Variants in FAT4 observed in about 807,000 individuals in gnomAD.
The protein encoded by FAT4 is protocadherin Fat 4.
Under a neutral mutation model 303.9 loss-of-function variants are expected in FAT4, and 84 were observed. The ratio of observed to expected loss-of-function variants is 0.28; its 90% CI spans 0.23 to 0.33. FAT4 has a LOEUF of 0.33. Among genes scored for constraint, FAT4 ranks in the 10% least tolerant of loss-of-function variants. FAT4 has a pLI of 1.00. For missense variants in FAT4, 6,005 were observed against 6,146.8 expected (o/e 0.98, Z 0.77); for synonymous variants, 2,307 against 2,298.8 (o/e 1.00, Z -0.10).
intron 8 of FAT4, among the ~76,000 whole-genome samples, chr4:125,445,434 A>G (rs543316734): frequency 3.3e-5 from 5 of 152,258 alleles, no homozygotes; most frequent in African/African-American, 1.2e-4. Context: ...CAACAAGGGT[A>G]TCTATTTGTT....
At chr4:125,361,711 AGAG>A (rs1322347369) in intron 2 of FAT4, among the ~76,000 whole-genome samples, 1 of 152,126 alleles carries the variant, frequency 6.6e-6, no homozygotes, top group Non-Finnish European at 1.5e-5. Flanking sequence ...AAAATAGAAT[AGAG>A]GAGATGTGGG....
intron 12 of FAT4, 80 bp downstream of exon 12, chr4:125,468,899 A>G (rs1726766237): frequency 7.1e-7 from 1 of 1,403,268 alleles, no homozygotes; most frequent in Non-Finnish European, 9.7e-7. Flanking sequence ...AAATCATGTT[A>G]AATTAGGTTT....
intron 10 of FAT4, among the ~76,000 whole-genome samples, chr4:125,458,858 A>G (rs1347508575): frequency 1.3e-5 from 2 of 151,958 alleles, no homozygotes; most frequent in African/African-American, 4.8e-5. Flanking sequence ...TTTCAATGCA[A>G]AAAAGCCATA....
chr4:125,454,811 CCGA>C (rs1335734116), intron 10 of FAT4, among the ~76,000 whole-genome samples: 2 of 152,058 alleles, frequency 1.3e-5, no homozygotes, highest in African/African-American at 4.8e-5. Context: ...CCAGCCCAGG[CCGA>C]CAACAGTAAG....
intron 2 of FAT4, among the ~76,000 whole-genome samples, chr4:125,322,779 G>A (rs1731006383): frequency 6.6e-6 from 1 of 151,060 alleles, no homozygotes; most frequent in South Asian, 2.1e-4. Flanking sequence ...ATAGTAGTTG[G>A]TTATGTCTAT....
At chr4:125,407,873 A>G (rs574594842) in intron 4 of FAT4, among the ~76,000 whole-genome samples, 1 of 152,124 alleles carries the variant, frequency 6.6e-6, no homozygotes, top group Non-Finnish European at 1.5e-5. Context: ...ATGATTATTC[A>G]TGATAAGCCA....
chr4:125,320,630 G>A lies in FAT4; in HGVS notation c.4219G>A (p.Val1407Ile), dbSNP rs114227532. Residue 1407 changes from valine to isoleucine, a missense_variant, in exon 2 of 18, where the codon GTT (valine) becomes ATT (isoleucine). Transcript: ENST00000394329. ...RPPRSSTMSV[V>I]IHVRDFNDNP... Reference sequence around the variant, plus strand: ...TCCTCGTTCATCTACAATGTCAGTGGTTATTCACGTGAGGGACTTTAATGA... The same window carrying A: ...TCCTCGTTCATCTACAATGTCAGTGATTATTCACGTGAGGGACTTTAATGA... 9.3e-4 allele frequency: 1,502 copies of A among 1,614,096 alleles called. 14 individuals are homozygous for A. The African/African-American group carries it at 0.018, about 20-fold the overall frequency.
chr4:125,317,357 C>A lies in FAT4; in HGVS notation c.946C>A (p.Arg316=). The change falls in exon 2 of 18, where the codon CGG becomes AGG. Residue 316 remains arginine, a synonymous_variant. Transcript: ENST00000394329. The surrounding 1 kb of genome is among the most constrained non-coding windows in gnomAD (Gnocchi z 7.0). The stretch of plus-strand genomic sequence containing the variant: ...GCGGGAGCCCCTGGACTTCGAAGCT[C>A]GGCGCCAATACTCGCTTACGGTGCA... The part of the protein sequence containing the change: ...TVREPLDFEA[R]RQYSLTVQAM... 1 of 1,612,966 alleles carries A rather than the reference C, an allele frequency of 6.2e-7. No individual in the cohort carries two copies. The highest frequency in any genetic ancestry group is 8.5e-7 in the Non-Finnish European group (1 of 1,179,672).
Position 125,452,676 on chromosome 4 carries a change from G to T in FAT4, c.11666G>T (p.Ser3889Ile). 6.2e-7 allele frequency: 1 copy of T among 1,614,126 alleles called. No individual in the cohort carries two copies. The highest frequency in any genetic ancestry group is 8.5e-7 in the Non-Finnish European group (1 of 1,180,020). Residue 3889 changes from serine (S) to isoleucine (I), a missense_variant, in exon 10 of 18, where the codon AGC becomes ATC. Ser to Ile is a moderately radical substitution (Grantham distance 142). Transcript: ENST00000394329. ...AATTTAGTGGGAGGATTTTCATGCA[G>T]CTGCCCAGATGGCTTCACTGGTAGG... is the stretch of plus-strand genomic sequence containing the variant. ...CHNLVGGFSC[S>I]CPDGFTGRAC...
At chr4:125,338,437 A>G (rs1731653261) in intron 2 of FAT4, among the ~76,000 whole-genome samples, 2 of 152,182 alleles carry the variant, frequency 1.3e-5, no homozygotes, top group Admixed American at 6.5e-5. Context: ...TCATTCCAGT[A>G]TTCAATATGC....
At position 125,316,373 on chromosome 4, in the gene FAT4, T is replaced by G. The variant is rs752357918; in HGVS notation, c.-12-27T>G. On this transcript the variant is annotated intron_variant, in intron 1 of 17. Transcript: ENST00000394329. This position sits in a 1 kb window ranked among gnomAD's most constrained non-coding sequence, Gnocchi z 5.7. ...AATATCATTGCGTTTGCTTCACCCC[T>G]TCCTTCTCTTTATCACATCGTTTTA... 1.2e-5 allele frequency: 19 copies of G among 1,555,156 alleles called. No homozygotes were observed. The highest frequency in any genetic ancestry group is 1.7e-4 in the Middle Eastern group (1 of 5,754).
At chr4:125,485,811 A>G (rs1040127796) in intron 16 of FAT4, among the ~76,000 whole-genome samples, 1 of 152,180 alleles carries the variant, frequency 6.6e-6, no homozygotes, top group Non-Finnish European at 1.5e-5. Flanking sequence ...TATCCCCGCA[A>G]TGAGTAATTC....
intron 2 of FAT4, among the ~76,000 whole-genome samples, chr4:125,397,218 A>G (rs1293395792): frequency 6.6e-6 from 1 of 152,050 alleles, no homozygotes; most frequent in Non-Finnish European, 1.5e-5. Flanking sequence ...TACCTATATC[A>G]TCAGGATTTA....
chr4:125,362,175 C>A (rs1013832585), intron 2 of FAT4, among the ~76,000 whole-genome samples: 4 of 151,832 alleles, frequency 2.6e-5, no homozygotes, highest in African/African-American at 9.7e-5. Context: ...TTATATTTAC[C>A]CTTATATTAT....
chr4:125,383,197 T>G (rs1190966540), intron 2 of FAT4, among the ~76,000 whole-genome samples: 1 of 152,246 alleles, frequency 6.6e-6, no homozygotes, highest in Non-Finnish European at 1.5e-5. Flanking sequence ...TGATTTACCT[T>G]GGCTTTCAAC....
chr4:125,489,870 T>TTTTTTTTAAA, intron 17 of FAT4, 31 bp from the exon 18 acceptor site: 1 of 1,185,628 alleles, frequency 8.4e-7, no homozygotes, highest in Non-Finnish European at 1.1e-6. Context: ...TTTTTTTTTG[T>TTTTTTTTAAA]AAAAAGCCTT....
chr4:125,463,162 A>C (rs1245225904), intron 10 of FAT4, among the ~76,000 whole-genome samples: 1 of 152,034 alleles, frequency 6.6e-6, no homozygotes, highest in Non-Finnish European at 1.5e-5. Flanking sequence ...TATCTTTGAA[A>C]TACCTAAGTC....
At chr4:125,327,223 G>A (rs1159307451) in intron 2 of FAT4, among the ~76,000 whole-genome samples, 1 of 152,070 alleles carries the variant, frequency 6.6e-6, no homozygotes, top group Non-Finnish European at 1.5e-5. Flanking sequence ...AGAGAAGGGA[G>A]CTGAAGGCAA....
chr4:125,475,181 CAAGTA>C (rs1271528125), intron 12 of FAT4, among the ~76,000 whole-genome samples: 3 of 152,004 alleles, frequency 2.0e-5, no homozygotes, highest in African/African-American at 7.2e-5. Flanking sequence ...ACAATTTCAG[CAAGTA>C]AAGTGTGCAA....
Sources: gnomAD v4.1 joint callset for allele counts (sites outside exome capture counted in the v4.1 genomes callset) on GRCh38, gnomAD v4.1.1 for gene constraint, Gnocchi (gnomAD v3.1) non-coding constraint, MANE v1.5 for transcripts, NCBI Gene and HGNC (gene_info 2026-07-23, HGNC 2026-07-21) for gene names.